KCNK13: variants seen among roughly 807,000 people sequenced by gnomAD.
The protein encoded by KCNK13 is potassium two pore domain channel subfamily K member 13.
In KCNK13, 12 loss-of-function variants were observed where a neutral mutation model predicts 23.4. The ratio of observed to expected loss-of-function variants is 0.51; its 90% CI spans 0.33 to 0.83. KCNK13 has a LOEUF of 0.83. KCNK13 is among the 40% of genes least tolerant of loss of function. The pLI is 0.02. For synonymous variants in KCNK13, 231 were observed against 229.5 expected (o/e 1.01, Z -0.06); for missense variants, 463 against 556.3 (o/e 0.83, Z 1.69).
intron 1 of KCNK13, among the ~76,000 whole-genome samples, chr14:90,077,317 C>T (rs1197071579): frequency 2.0e-5 from 3 of 151,582 alleles, no homozygotes; most frequent in South Asian, 2.1e-4. Context: ...GACAGGGTTT[C>T]GCCATGTTGG....
intron 1 of KCNK13, among the ~76,000 whole-genome samples, chr14:90,078,475 A>G (rs865783285): frequency 1.3e-4 from 19 of 146,042 alleles, no homozygotes; most frequent in African/African-American, 5.2e-4. Flanking sequence ...GAGGGAGGGA[A>G]GGAAGGAAGG....
intron 1 of KCNK13, among the ~76,000 whole-genome samples, chr14:90,067,801 T>C (rs931736580): frequency 5.9e-5 from 9 of 152,132 alleles, no homozygotes; most frequent in South Asian, 4.1e-4. Context: ...AAACTAGCTT[T>C]TGTTAGGAGC....
chr14:90,125,015 C>T (rs55869081), intron 1 of KCNK13, among the ~76,000 whole-genome samples: 8,850 of 152,052 alleles, frequency 0.058, 847 homozygotes, highest in African/African-American at 0.2. Flanking sequence ...CCAAGCTCCA[C>T]GCTTTTTGAT....
chr14:90,122,152 C>CATT, intron 1 of KCNK13, among the ~76,000 whole-genome samples: 1 of 152,172 alleles, frequency 6.6e-6, no homozygotes, highest in Non-Finnish European at 1.5e-5. Context: ...TACCCCCTTA[C>CATT]TGGACATTTA....
At chr14:90,101,482 T>C (rs1889476451) in intron 1 of KCNK13, among the ~76,000 whole-genome samples, 2 of 151,940 alleles carry the variant, frequency 1.3e-5, no homozygotes, top group African/African-American at 4.8e-5. Context: ...GGTATGCTGC[T>C]CTGGTGATGG....
intron 1 of KCNK13, among the ~76,000 whole-genome samples, chr14:90,157,702 C>CTTTTT (rs34114368): frequency 6.0e-5 from 6 of 100,348 alleles, no homozygotes; most frequent in African/African-American, 2.4e-4. Flanking sequence ...CTTGGCTTTC[C>CTTTTT]TTTTTTTTTT....
chr14:90,113,182 A>G lies in KCNK13; in HGVS notation c.334+50643A>G, dbSNP rs918508666. The stretch of plus-strand genomic sequence containing the variant: ...CAATCTTCTCTCCCCAGCCTCCTAA[A>G]GTGCTAGGATTACAGGCATGAGCCA... On this transcript the variant is annotated intron_variant, in intron 1 of 1. Coordinates refer to ENST00000282146, the MANE Select transcript of KCNK13 (RefSeq NM_022054.4). Among the ~76,000 whole-genome samples, 8 of 152,092 alleles carry G rather than the reference A, an allele frequency of 5.3e-5. No homozygotes were observed. In the South Asian group the frequency reaches 6.2e-4, roughly 12 times the overall value.
chr14:90,118,855 T>C (rs571073650), intron 1 of KCNK13, among the ~76,000 whole-genome samples: 1 of 152,252 alleles, frequency 6.6e-6, no homozygotes, highest in South Asian at 2.1e-4. Context: ...ATCCAGGAGT[T>C]GGTTTTTTGA....
intron 1 of KCNK13, among the ~76,000 whole-genome samples, chr14:90,091,949 CAG>C (rs1229527966): frequency 7.3e-6 from 1 of 136,968 alleles, no homozygotes; most frequent in Non-Finnish European, 1.5e-5. Flanking sequence ...TTTTTTGAGA[CAG>C]AGTCTCACTC....
intron 1 of KCNK13, among the ~76,000 whole-genome samples, chr14:90,129,359 C>A (rs1889840438): frequency 6.6e-6 from 1 of 152,148 alleles, no homozygotes; most frequent in African/African-American, 2.4e-5. Flanking sequence ...TGAGCGTTCC[C>A]TGGTGCAATT....
At chr14:90,144,480 G>C (rs1293758698) in intron 1 of KCNK13, among the ~76,000 whole-genome samples, 2 of 138,496 alleles carry the variant, frequency 1.4e-5, no homozygotes, top group East Asian at 4.5e-4. Context: ...GAGAATGAAG[G>C]CTGTTTTACT....
intron 1 of KCNK13, chr14:90,107,707 G>T: frequency 1.3e-6 from 1 of 767,930 alleles, no homozygotes; most frequent in South Asian, 1.3e-5. Context: ...ACAAAATCCA[G>T]CCTGGGAAGG....
At chr14:90,159,227 C>T (rs1309144852) in intron 1 of KCNK13, among the ~76,000 whole-genome samples, 1 of 152,208 alleles carries the variant, frequency 6.6e-6, no homozygotes, top group African/African-American at 2.4e-5. Context: ...GACCTAAACA[C>T]TTCCCATTCG....
chr14:90,160,992 T>C (rs1219992421), intron 1 of KCNK13, among the ~76,000 whole-genome samples: 8 of 152,188 alleles, frequency 5.3e-5, no homozygotes, highest in Non-Finnish European at 1.2e-4. Flanking sequence ...ACAGATATTT[T>C]CACACCCCTG....
chr14:90,148,046 C>T (rs1017857365), intron 1 of KCNK13, among the ~76,000 whole-genome samples: 1 of 152,074 alleles, frequency 6.6e-6, no homozygotes, highest in Non-Finnish European at 1.5e-5. Context: ...GCCTGTAGTA[C>T]AAGCTATTCG....
intron 1 of KCNK13, among the ~76,000 whole-genome samples, chr14:90,091,584 G>A (rs1889344128): frequency 6.6e-6 from 1 of 152,104 alleles, no homozygotes; most frequent in Non-Finnish European, 1.5e-5. Context: ...TGTTTCTGGG[G>A]GAAAGGCTGC....
At chr14:90,103,751 C>T (rs765164117) in intron 1 of KCNK13, among the ~76,000 whole-genome samples, 41 of 152,080 alleles carry the variant, frequency 2.7e-4, no homozygotes, top group Non-Finnish European at 5.3e-4. Context: ...TTAGTAGAGA[C>T]GGGGTTTCAC....
At chr14:90,091,692 A>G (rs1312894669) in intron 1 of KCNK13, among the ~76,000 whole-genome samples, 1 of 151,840 alleles carries the variant, frequency 6.6e-6, no homozygotes, top group Non-Finnish European at 1.5e-5. Context: ...AGACATGCCA[A>G]TACCCTCTTC....
chr14:90,070,961 A>G (rs766504648), intron 1 of KCNK13, among the ~76,000 whole-genome samples: 4 of 152,048 alleles, frequency 2.6e-5, no homozygotes, highest in Non-Finnish European at 5.9e-5. Flanking sequence ...TTGTTCAATT[A>G]TTTGTTTCCT....
Sources: gnomAD v4.1 joint callset for allele counts (sites outside exome capture counted in the v4.1 genomes callset) on GRCh38, gnomAD v4.1.1 for gene constraint, MANE v1.5 for transcripts, NCBI Gene and HGNC (gene_info 2026-07-23, HGNC 2026-07-21) for gene names.